The following TMEM170B variants were observed in gnomAD, a reference collection of about 807,000 sequenced individuals.
The protein encoded by TMEM170B is transmembrane protein 170B.
Under a neutral mutation model 13.0 loss-of-function variants are expected in TMEM170B, and 6 were observed. That is an observed-to-expected ratio of 0.46 (90% CI 0.25 to 0.91). The LOEUF (loss-of-function observed/expected upper bound fraction) is 0.91. TMEM170B is among the 40% of genes least tolerant of loss of function. The pLI is 0.17. For missense variants in TMEM170B, 138 were observed against 165.2 expected (o/e 0.84, Z 0.90); for synonymous variants, 61 against 64.9 (o/e 0.94, Z 0.29).
Position 11,548,274 on chromosome 6 carries a change from C to T in TMEM170B, c.97+9900C>T, listed in dbSNP as rs138156361. 1.7e-3 allele frequency among the ~76,000 whole-genome samples: 257 copies of T among 152,242 alleles called. 1 individual carries two copies. The highest frequency in any genetic ancestry group is 5.8e-3 in the African/African-American group (242 of 41,538). On this transcript the variant is annotated intron_variant, in intron 1 of 2. Transcript: ENST00000379426. The stretch of plus-strand genomic sequence containing the variant: ...TCAAAAAGTGGGCAAAGGATATGAA[C>T]AGACACTTCTCAGAAGAAGACATTT...
chr6:11,575,332 T>TA lies in TMEM170B; in HGVS notation c.269-98dup. On this transcript the variant is annotated intron_variant, in intron 2 of 2. Transcript: ENST00000379426. The surrounding 1 kb of genome is among the most constrained non-coding windows in gnomAD (Gnocchi z 4.1). ...ATAAAATGAGAAAAAAATGATGACT[T>TA]ATGTTTTGATGAAATGAAAAGAGCT... is the stretch of plus-strand genomic sequence containing the variant. 6.9e-7 allele frequency: 1 copy of TA among 1,448,328 alleles called. No homozygotes were observed. The highest frequency in any genetic ancestry group is 9.4e-7 in the Non-Finnish European group (1 of 1,065,678). 89.7% of individuals were successfully genotyped at this position (1,448,328 alleles called of 1,614,324 possible).
intron 1 of TMEM170B, 44 bp downstream of exon 1, chr6:11,538,418 CT>C (rs1582135447): frequency 7.2e-7 from 1 of 1,388,126 alleles, no homozygotes; most frequent in Non-Finnish European, 9.6e-7. Flanking sequence ...CGGTCCGCCC[CT>C]CTCCTGTCTT....
At chr6:11,569,900 CTT>C (rs913537550) in intron 2 of TMEM170B, among the ~76,000 whole-genome samples, 1 of 146,486 alleles carries the variant, frequency 6.8e-6, no homozygotes, top group Non-Finnish European at 1.5e-5. Flanking sequence ...AGAAAGGTCA[CTT>C]TTTTTTTTTA....
intron 1 of TMEM170B, among the ~76,000 whole-genome samples, chr6:11,547,727 T>C (rs1395864268): frequency 6.6e-6 from 1 of 152,196 alleles, no homozygotes; most frequent in Non-Finnish European, 1.5e-5. Context: ...TTTATTTTCT[T>C]AATTTCTGTC....
intron 1 of TMEM170B, among the ~76,000 whole-genome samples, chr6:11,542,060 C>T (rs1426637453): frequency 6.6e-6 from 1 of 151,786 alleles, no homozygotes; most frequent in African/African-American, 2.4e-5. Flanking sequence ...TTAGAATTAC[C>T]AAAATGTGAC....
At position 11,548,546 on chromosome 6, in the gene TMEM170B, C is replaced by G. The variant is rs1165635672; in HGVS notation, c.97+10172C>G. The stretch of plus-strand genomic sequence containing the variant: ...CCTCAGGGATCTAGAACTAGAAATA[C>G]CATTTGACCCAGCCATCCCATTACT... On this transcript the variant is annotated intron_variant, in intron 1 of 2. Transcript: ENST00000379426. Among the ~76,000 whole-genome samples, 4 of 152,164 alleles carry G rather than the reference C, an allele frequency of 2.6e-5. No homozygotes were observed. In the East Asian group the frequency reaches 7.7e-4, roughly 29 times the overall value.
rs1582148004 is a variant in TMEM170B, at chr6:11,575,357, T to C, written c.269-74T>C. ...TATGTTTTGATGAAATGAAAAGAGC[T>C]CTTAAGGTGCAGCATGCAGTGTGTT... On this transcript the variant is annotated intron_variant, in intron 2 of 2. Transcript: ENST00000379426. This position sits in a 1 kb window ranked among gnomAD's most constrained non-coding sequence, Gnocchi z 4.1. 2.0e-6 allele frequency: 3 copies of C among 1,532,184 alleles called. No homozygotes were observed. The highest frequency in any genetic ancestry group is 2.7e-6 in the Non-Finnish European group (3 of 1,123,404). The allele number at this position is 1,532,184 out of a possible 1,614,324, so 94.9% of individuals were successfully genotyped here.
At chr6:11,552,770 T>C (rs2113768545) in intron 1 of TMEM170B, among the ~76,000 whole-genome samples, 1 of 152,308 alleles carries the variant, frequency 6.6e-6, no homozygotes, top group East Asian at 1.9e-4. Context: ...AATTTGACTG[T>C]GTCAGAAGGT....
chr6:11,565,972 T>A (rs1759727238), intron 2 of TMEM170B, 136 bp downstream of exon 2: 3 of 774,150 alleles, frequency 3.9e-6, no homozygotes, highest in Non-Finnish European at 6.3e-6. Context: ...ACACTCCATC[T>A]AGAAGATAAA....
intron 2 of TMEM170B, among the ~76,000 whole-genome samples, chr6:11,570,970 A>G (rs1031398278): frequency 6.6e-6 from 1 of 152,188 alleles, no homozygotes; most frequent in Admixed American, 6.5e-5. Flanking sequence ...TGTGAAAACT[A>G]TTCTTAGCCT....
intron 1 of TMEM170B, among the ~76,000 whole-genome samples, chr6:11,560,150 ATTTTTATT>A (rs1217488466): frequency 3.3e-5 from 5 of 151,452 alleles, no homozygotes; most frequent in South Asian, 2.1e-4. Context: ...CTTCTCCTTT[ATTTTTATT>A]TTTTTATTTT....
In TMEM170B at chr6:11,577,100, C is replaced by T. The variant is rs1040261774; in HGVS notation, c.*1539C>T. The T allele has an allele frequency of 1.3e-5, 2 of 151,954 alleles. No homozygotes were observed. The highest frequency in any genetic ancestry group is 2.9e-5 in the Non-Finnish European group (2 of 67,914). The allele number at this position is 151,954 out of a possible 1,614,324, so 9.4% of individuals were successfully genotyped here. On this transcript the variant is annotated 3_prime_UTR_variant, in exon 3 of 3. Coordinates refer to ENST00000379426, the MANE Select transcript of TMEM170B (RefSeq NM_001100829.3). ...AATCCAATTTGCTATAAAAGTAGGC[C>T]TTTGTTATATTACATTCAAATTTAA...
chr6:11,564,400 C>G (rs554159940), intron 1 of TMEM170B, among the ~76,000 whole-genome samples: 8 of 152,270 alleles, frequency 5.3e-5, no homozygotes, highest in African/African-American at 1.9e-4. Context: ...GGTTTTGATT[C>G]ATCCATTTTA....
Position 11,538,395 on chromosome 6 carries a change from G to A in TMEM170B, c.97+21G>A, listed in dbSNP as rs202118052. The stretch of plus-strand genomic sequence containing the variant: ...CACGGGTAATTGACGCGCCTGGGCT[G>A]GGGACGGGGATGCGGTCCGCCCCTC... On this transcript the variant is annotated intron_variant, in intron 1 of 2. Transcript: ENST00000379426. 137 of 1,485,920 alleles carry A rather than the reference G, an allele frequency of 9.2e-5. No homozygotes were observed. The Admixed American group carries it at 2.2e-3, about 24-fold the overall frequency. 92.0% of individuals were successfully genotyped at this position (1,485,920 alleles called of 1,614,324 possible).
intron 2 of TMEM170B, among the ~76,000 whole-genome samples, chr6:11,574,670 G>A (rs972528752): frequency 2.6e-5 from 4 of 152,020 alleles, no homozygotes; most frequent in East Asian, 1.9e-4. Flanking sequence ...AAAGTTAGCC[G>A]CTTAGATACC....
At chr6:11,554,234 A>T (rs1035561518) in intron 1 of TMEM170B, among the ~76,000 whole-genome samples, 3 of 152,078 alleles carry the variant, frequency 2.0e-5, no homozygotes, top group Admixed American at 2.0e-4. Context: ...TTTATCCTTC[A>T]TGGAGAAGGT....
At position 11,540,277 on chromosome 6, in the gene TMEM170B, A is replaced by G. The variant is rs369056584; in HGVS notation, c.97+1903A>G. ...TCTGTAGCATGGGATGCTGTTGGGTAGCATTTTATCCACAGTAGAACTTTC... is the reference window on the plus strand; with the variant it reads ...TCTGTAGCATGGGATGCTGTTGGGTGGCATTTTATCCACAGTAGAACTTTC... On this transcript the variant is annotated intron_variant, in intron 1 of 2. Transcript: ENST00000379426. Among the ~76,000 whole-genome samples, 9 of 152,310 alleles carry G rather than the reference A, an allele frequency of 5.9e-5. No homozygotes were observed. In the East Asian group the frequency reaches 1.5e-3, roughly 26 times the overall value.
At chr6:11,574,000 C>T (rs1408316871) in intron 2 of TMEM170B, among the ~76,000 whole-genome samples, 1 of 152,112 alleles carries the variant, frequency 6.6e-6, no homozygotes, top group Non-Finnish European at 1.5e-5. Context: ...CTTTATCATT[C>T]TCTGAATTCT....
At chr6:11,570,047 G>A (rs1408383962) in intron 2 of TMEM170B, among the ~76,000 whole-genome samples, 1 of 151,926 alleles carries the variant, frequency 6.6e-6, no homozygotes, top group South Asian at 2.1e-4. Flanking sequence ...CTACTGGATC[G>A]CTCAAAAAGT....
Sources: allele counts gnomAD v4.1 joint callset (sites outside exome capture counted in the v4.1 genomes callset), GRCh38; gene constraint gnomAD v4.1.1; non-coding constraint Gnocchi (gnomAD v3.1); transcripts MANE v1.5; gene names NCBI Gene and HGNC (gene_info 2026-07-23, HGNC 2026-07-21).